The following TMEM248 variants were observed in gnomAD, a reference collection of about 807,000 sequenced individuals.
TMEM248 encodes transmembrane protein 248, also known as UPF0458 protein C7orf42.
TMEM248 carries 9 observed loss-of-function variants against 30.3 expected under a neutral mutation model. The observed-to-expected ratio is 0.30, with a 90% confidence interval of 0.18 to 0.52. The LOEUF (loss-of-function observed/expected upper bound fraction) is 0.52, where lower values mean the gene tolerates loss of function less well. TMEM248 is among the 20% of genes least tolerant of loss of function. TMEM248 has a pLI of 0.97. For synonymous variants in TMEM248, 184 were observed against 154.4 expected (o/e 1.19, Z -1.42); for missense variants, 338 against 403.3 (o/e 0.84, Z 1.39).
intron 1 of TMEM248, among the ~76,000 whole-genome samples, chr7:66,938,070 G>A (rs1462476677): frequency 6.6e-6 from 1 of 152,124 alleles, no homozygotes; most frequent in Non-Finnish European, 1.5e-5. Flanking sequence ...GGTAGGGTGT[G>A]TTTCTTGTAG....
chr7:66,931,792 CTTTTTTTTTT>C (rs1156882038), intron 1 of TMEM248, among the ~76,000 whole-genome samples: 16 of 88,458 alleles, frequency 1.8e-4, no homozygotes, highest in Middle Eastern at 8.2e-3. Context: ...GGCCTTCCTC[CTTTTTTTTTT>C]TTTTTTTTTT....
chr7:66,927,711 C>T (rs1411547937), intron 1 of TMEM248, among the ~76,000 whole-genome samples: 1 of 151,486 alleles, frequency 6.6e-6, no homozygotes, highest in Non-Finnish European at 1.5e-5. Context: ...CTGACCTTGG[C>T]CTCCCAAAGT....
intron 1 of TMEM248, among the ~76,000 whole-genome samples, chr7:66,931,833 C>G (rs1278244363): frequency 4.0e-4 from 41 of 103,556 alleles, no homozygotes; most frequent in Non-Finnish European, 7.1e-5. Context: ...GAGGCAGAGT[C>G]TCGCTCTGTC....
intron 1 of TMEM248, among the ~76,000 whole-genome samples, chr7:66,929,852 G>A (rs1791620727): frequency 6.6e-6 from 1 of 152,098 alleles, no homozygotes; most frequent in Non-Finnish European, 1.5e-5. Flanking sequence ...TTGTAGGAGA[G>A]CCAGAGTGTC....
intron 1 of TMEM248, among the ~76,000 whole-genome samples, chr7:66,930,177 G>A (rs1025154993): frequency 6.6e-6 from 1 of 152,176 alleles, no homozygotes; most frequent in Non-Finnish European, 1.5e-5. Context: ...TGACTGGCAG[G>A]GATCACTAGG....
chr7:66,924,683 G>C (rs949339015), intron 1 of TMEM248, among the ~76,000 whole-genome samples: 2 of 152,118 alleles, frequency 1.3e-5, no homozygotes, highest in Non-Finnish European at 2.9e-5. Context: ...GGGATTACAG[G>C]CATGAGCCAC....
At chr7:66,929,426 ATTTTTTTTTTTT>A (rs35126436) in intron 1 of TMEM248, among the ~76,000 whole-genome samples, 31 of 97,672 alleles carry the variant, frequency 3.2e-4, no homozygotes, top group African/African-American at 4.6e-4. Context: ...TGAGAGACAA[ATTTTTTTTTTTT>A]TTTTTTTTTT....
intron 3 of TMEM248, among the ~76,000 whole-genome samples, chr7:66,947,040 CT>C (rs1792124501): frequency 6.6e-6 from 1 of 151,954 alleles, no homozygotes; most frequent in South Asian, 2.1e-4. Flanking sequence ...TAGCAAACAC[CT>C]GTCTTTATGA....
In TMEM248 at chr7:66,958,183, T is replaced by A. The variant is rs1792446158; in HGVS notation, c.*2661T>A. ...CAGCTCACCCTCAGGCATCTCGGAC[T>A]GGAGGGCCAGCAGAAGGTCAGCAAC... On this transcript the variant is annotated 3_prime_UTR_variant, in exon 7 of 7. Transcript: ENST00000341567. 1 of 152,778 alleles carries A rather than the reference T, an allele frequency of 6.5e-6. No homozygotes were observed. Among genetic ancestry groups the A allele is most frequent in the Non-Finnish European group, 1.5e-5 (1 of 68,110 alleles). The allele number at this position is 152,778 out of a possible 1,614,324, so 9.5% of individuals were successfully genotyped here.
chr7:66,931,512 G>T (rs570366263), intron 1 of TMEM248, among the ~76,000 whole-genome samples: 2 of 151,698 alleles, frequency 1.3e-5, no homozygotes, highest in Admixed American at 1.3e-4. Context: ...CACCATGTTG[G>T]CCAGGCTGGA....
At chr7:66,946,550 A>C (rs1287787355) in intron 3 of TMEM248, among the ~76,000 whole-genome samples, 1 of 152,000 alleles carries the variant, frequency 6.6e-6, no homozygotes, top group Non-Finnish European at 1.5e-5. Context: ...ACTGCACTCC[A>C]GTCTAGGCAA....
intron 2 of TMEM248, among the ~76,000 whole-genome samples, chr7:66,943,947 A>G (rs915188702): frequency 5.9e-5 from 9 of 152,114 alleles, no homozygotes; most frequent in Admixed American, 1.3e-4. Context: ...GGCATGCGCC[A>G]CCATGTCCAG....
At chr7:66,948,192 A>T (rs1172829229) in intron 3 of TMEM248, among the ~76,000 whole-genome samples, 1 of 152,218 alleles carries the variant, frequency 6.6e-6, no homozygotes. Flanking sequence ...GTAAATTTTA[A>T]GTGAAATAAT....
Position 66,952,159 on chromosome 7 carries a change from G to A in TMEM248, c.780+1024G>A, listed in dbSNP as rs531638392. Among the ~76,000 whole-genome samples, 26 of 151,782 alleles carry A rather than the reference G, an allele frequency of 1.7e-4. 1 individual carries two copies. Among genetic ancestry groups the A allele is most frequent in the Middle Eastern group, 6.8e-3 (2 of 294 alleles). On this transcript the variant is annotated intron_variant, in intron 5 of 6. Coordinates refer to ENST00000341567, the MANE Select transcript of TMEM248 (RefSeq NM_017994.5). ...GGCTGGAGTGCAGTGGCACAATCTC[G>A]GTTCGTTGCAACCTCTGCCTCCTGG...
chr7:66,953,143 A>T (rs976539910), intron 5 of TMEM248, 83 bp from the exon 6 acceptor site: 3 of 1,498,654 alleles, frequency 2.0e-6, no homozygotes, highest in Admixed American at 1.9e-5. Flanking sequence ...GAGGCTGTCA[A>T]TCCTGTCTCT....
intron 1 of TMEM248, among the ~76,000 whole-genome samples, chr7:66,938,311 T>A (rs1791857453): frequency 6.6e-6 from 1 of 152,174 alleles, no homozygotes; most frequent in Non-Finnish European, 1.5e-5. Flanking sequence ...AATTTCTTTT[T>A]ATTTTTTATG....
intron 1 of TMEM248, among the ~76,000 whole-genome samples, chr7:66,940,647 A>T (rs1791923435): frequency 1.3e-5 from 2 of 152,158 alleles, no homozygotes; most frequent in Admixed American, 1.3e-4. Context: ...GTGGATGGTG[A>T]TGCAGTCAGG....
At chr7:66,946,365 G>T (rs187963050) in intron 3 of TMEM248, among the ~76,000 whole-genome samples, 3,024 of 151,964 alleles carry the variant, frequency 0.02, 36 homozygotes, top group Non-Finnish European at 0.032. Flanking sequence ...ATCACTTGAG[G>T]TCAGGAGTTC....
rs908965612 is a variant in TMEM248, at chr7:66,955,356, C to T, written c.925-146C>T. The T allele has an allele frequency of 3.2e-6, 3 of 924,842 alleles. No homozygotes were observed. The Admixed American group carries it at 6.9e-5, about 21-fold the overall frequency. 57.3% of individuals were successfully genotyped at this position (924,842 alleles called of 1,614,324 possible). On this transcript the variant is annotated intron_variant, in intron 6 of 6. Coordinates refer to ENST00000341567, the MANE Select transcript of TMEM248 (RefSeq NM_017994.5). ...CTTTGAGATTTCTAGTAATTTCTTC[C>T]TAGGTGAGATTTTCTTTTTAGGGAT...
Sources: gnomAD v4.1 joint callset for allele counts (sites outside exome capture counted in the v4.1 genomes callset) on GRCh38, gnomAD v4.1.1 for gene constraint, MANE v1.5 for transcripts, NCBI Gene and HGNC (gene_info 2026-07-23, HGNC 2026-07-21) for gene names.